Variants in RFTN1 observed in about 807,000 individuals in gnomAD.
The protein encoded by RFTN1 is raftlin, lipid raft linker 1, also known as raftlin.
RFTN1 carries 26 observed loss-of-function variants against 46.5 expected under a neutral mutation model. That is an observed-to-expected ratio of 0.56 (90% confidence interval 0.41 to 0.78). RFTN1 has a LOEUF of 0.78. Ranked by LOEUF, RFTN1 falls within the 30% of genes least tolerant of loss-of-function variation. The pLI is 0.00. For synonymous variants in RFTN1, 261 were observed against 284.2 expected (o/e 0.92, Z 0.82); for missense variants, 693 against 718.7 (o/e 0.96, Z 0.41).
chr3:16,391,232 A>G (rs1249205261), intron 4 of RFTN1, among the ~76,000 whole-genome samples: 1 of 152,254 alleles, frequency 6.6e-6, no homozygotes, highest in Non-Finnish European at 1.5e-5. Context: ...ATTGGGAAGT[A>G]ATTAATTAGA....
chr3:16,366,204 C>T (rs2073160643), intron 6 of RFTN1, among the ~76,000 whole-genome samples: 1 of 146,036 alleles, frequency 6.8e-6, no homozygotes, highest in African/African-American at 2.4e-5. Flanking sequence ...CTGGTGATGG[C>T]AGCAGCCATT....
rs923988886 is a variant in RFTN1 at position 16,424,273 on chromosome 3, C to A, written c.332+9578G>T. ...TCACCACACACTCCCATTACCCACT[C>A]CAAACTTCGGACTGAGAAGTCGTTA... On this transcript the variant is annotated intron_variant, in intron 3 of 9. Transcript: ENST00000334133. This position sits in a 1 kb window ranked among gnomAD's most constrained non-coding sequence, Gnocchi z 4.7. Among the ~76,000 whole-genome samples the A allele has an allele frequency of 1.3e-5, 2 of 152,334 alleles. No homozygotes were observed. The highest frequency in any genetic ancestry group is 4.8e-5 in the African/African-American group (2 of 41,570).
rs76157725 is a variant in RFTN1 at position 16,437,928 on chromosome 3, G to A, written c.146-3891C>T. 7.0e-3 allele frequency among the ~76,000 whole-genome samples: 1,070 copies of A among 152,228 alleles called. 13 individuals carry two copies. Among genetic ancestry groups the A allele is most frequent in the African/African-American group, 0.025 (1,029 of 41,518 alleles). ...CCAAAAGGGCAAAACCACATGTGGC[G>A]GAGACAGTTTGTTTTATTTGAAAAA... On this transcript the variant is annotated intron_variant, in intron 2 of 9. Transcript: ENST00000334133.
rs772007490 is a variant in RFTN1, at chr3:16,440,422, C to T, written c.146-6385G>A. Among the ~76,000 whole-genome samples, 12 of 152,168 alleles carry T rather than the reference C, an allele frequency of 7.9e-5. No homozygotes were observed. Among genetic ancestry groups the T allele is most frequent in the Middle Eastern group, 3.2e-3 (1 of 316 alleles). On this transcript the variant is annotated intron_variant, in intron 2 of 9. Transcript: ENST00000334133. The surrounding 1 kb of genome is among the most constrained non-coding windows in gnomAD (Gnocchi z 4.6). ...GTTTCACTATGTTGGCCAGGCTGGT[C>T]TTGAACTCCTGCCCATCTTCATCCC...
At chr3:16,354,794 T>C (rs2072323370) in intron 7 of RFTN1, among the ~76,000 whole-genome samples, 1 of 152,240 alleles carries the variant, frequency 6.6e-6, no homozygotes, top group African/African-American at 2.4e-5. Flanking sequence ...TCTTCCTGCA[T>C]TTTACTATCA....
chr3:16,404,540 G>C lies in RFTN1; in HGVS notation c.441+4835C>G, dbSNP rs1250469770. The stretch of plus-strand genomic sequence containing the variant: ...CTAGAGCTCGCCAGACTAAGGCTCT[G>C]CTCCACATAATCAAAGGAAGCCCAC... On this transcript the variant is annotated intron_variant, in intron 4 of 9. Transcript: ENST00000334133. 4.0e-5 allele frequency among the ~76,000 whole-genome samples: 6 copies of C among 149,240 alleles called. No individual in the cohort carries two copies. In the Admixed American group the frequency reaches 4.1e-4, roughly 10 times the overall value.
intron 2 of RFTN1, chr3:16,472,145 A>C (rs1575340166): frequency 6.6e-6 from 1 of 151,462 alleles, no homozygotes; most frequent in East Asian, 1.9e-4. Flanking sequence ...AGGCTTGAGG[A>C]GTTAAAGAGG....
chr3:16,394,066 T>G (rs2074414349), intron 4 of RFTN1, among the ~76,000 whole-genome samples: 1 of 152,100 alleles, frequency 6.6e-6, no homozygotes, highest in African/African-American at 2.4e-5. Context: ...TAAAGATGGC[T>G]TTTAAAAAAG....
rs2072188488 is a variant in RFTN1 at position 16,352,815 on chromosome 3, A to G, written c.1146+5117T>C. The stretch of plus-strand genomic sequence containing the variant: ...CCCATTTATACAACTGAAAATAGAA[A>G]AAGCAGGTGTGGTTTACTTTTCACA... On this transcript the variant is annotated intron_variant, in intron 7 of 9. Transcript: ENST00000334133. The surrounding 1 kb of genome is among the most constrained non-coding windows in gnomAD (Gnocchi z 4.6). Among the ~76,000 whole-genome samples, 1 of 152,240 alleles carries G rather than the reference A, an allele frequency of 6.6e-6. No homozygotes were observed.
chr3:16,470,854 G>C (rs1391690236), intron 2 of RFTN1, among the ~76,000 whole-genome samples: 3 of 152,132 alleles, frequency 2.0e-5, no homozygotes, highest in Non-Finnish European at 4.4e-5. Flanking sequence ...CCATTTTAAA[G>C]AAAAATGGCA....
At chr3:16,349,068 C>T (rs922361865) in intron 7 of RFTN1, 4 of 152,188 alleles carry the variant, frequency 2.6e-5, no homozygotes, top group Non-Finnish European at 5.9e-5. Context: ...CTTTTGGGGT[C>T]ACTATTTCTA....
Position 16,449,692 on chromosome 3 carries a change from T to C in RFTN1, c.146-15655A>G, listed in dbSNP as rs1012265974. ...TATTCTTCAGCTTTCACAACTGACT[T>C]TGATTTCTCAGTCATTTCTGAATGT... is the stretch of plus-strand genomic sequence containing the variant. On this transcript the variant is annotated intron_variant, in intron 2 of 9. Transcript: ENST00000334133. The surrounding 1 kb of genome is among the most constrained non-coding windows in gnomAD (Gnocchi z 5.1). 6.6e-6 allele frequency among the ~76,000 whole-genome samples: 1 copy of C among 152,256 alleles called. No homozygotes were observed. The highest frequency in any genetic ancestry group is 2.4e-5 in the African/African-American group (1 of 41,474).
At position 16,342,518 on chromosome 3, in the gene RFTN1, C is replaced by T. The variant is rs929018677; in HGVS notation, c.1146+15414G>A. ...TAATGTACATAGGTCTTTATGTGGA[C>T]ATATGTTTTCATTTCTCTTAAATAT... On this transcript the variant is annotated intron_variant, in intron 7 of 9. Coordinates refer to ENST00000334133, the MANE Select transcript of RFTN1 (RefSeq NM_015150.2). This position sits in a 1 kb window ranked among gnomAD's most constrained non-coding sequence, Gnocchi z 4.0. Among the ~76,000 whole-genome samples, 2 of 152,094 alleles carry T rather than the reference C, an allele frequency of 1.3e-5. No homozygotes were observed. Among genetic ancestry groups the T allele is most frequent in the African/African-American group, 4.8e-5 (2 of 41,410 alleles).
chr3:16,377,926 C>A lies in RFTN1; in HGVS notation c.618G>T (p.Gly206=). The stretch of plus-strand genomic sequence containing the variant: ...CCGGAGCACTGCACACATCCCCAGT[C>A]CCCGGTTTCTCATTCTCCAGTGACG... ...DHASLENEKP[G]TGDVCSAPAG... Residue 206 remains glycine, a synonymous_variant, in exon 5 of 10, where the codon GGG becomes GGT. Transcript: ENST00000334133. The A allele has an allele frequency of 6.2e-7, 1 of 1,614,248 alleles. No individual in the cohort carries two copies. The highest frequency in any genetic ancestry group is 2.2e-5 in the East Asian group (1 of 44,884).
intron 2 of RFTN1, among the ~76,000 whole-genome samples, chr3:16,471,164 T>C (rs1054195050): frequency 3.3e-5 from 5 of 152,222 alleles, no homozygotes; most frequent in African/African-American, 1.2e-4. Context: ...CAAAACCCTA[T>C]TGTTAAATAA....
intron 8 of RFTN1, among the ~76,000 whole-genome samples, chr3:16,324,106 T>G (rs9815339): frequency 0.3 from 41,372 of 136,636 alleles, 6,902 homozygotes; most frequent in African/African-American, 0.5. Context: ...AAGATCACTG[T>G]TTTTTTTTTC....
intron 3 of RFTN1, among the ~76,000 whole-genome samples, chr3:16,414,175 T>C (rs1037802035): frequency 6.6e-6 from 1 of 151,224 alleles, no homozygotes; most frequent in Non-Finnish European, 1.5e-5. Flanking sequence ...CATTCATCAA[T>C]AGATAGAAGT....
intron 3 of RFTN1, among the ~76,000 whole-genome samples, chr3:16,416,805 C>A (rs977986171): frequency 1.3e-5 from 2 of 152,168 alleles, no homozygotes; most frequent in African/African-American, 4.8e-5. Flanking sequence ...GGGGTCTATG[C>A]TTCCTCTGGT....
chr3:16,394,457 G>A (rs2074422489), intron 4 of RFTN1, among the ~76,000 whole-genome samples: 1 of 152,154 alleles, frequency 6.6e-6, no homozygotes, highest in Non-Finnish European at 1.5e-5. Context: ...TGACATAAAT[G>A]AATCTCACAG....
Sources: gnomAD v4.1 joint callset for allele counts (sites outside exome capture counted in the v4.1 genomes callset) on GRCh38, gnomAD v4.1.1 for gene constraint, Gnocchi (gnomAD v3.1) non-coding constraint, MANE v1.5 for transcripts, NCBI Gene and HGNC (gene_info 2026-07-23, HGNC 2026-07-21) for gene names.